Variants in RADIL observed in about 807,000 individuals in gnomAD.
The protein encoded by RADIL is Rap associating with DIL domain.
In RADIL, 99 loss-of-function variants were observed where a neutral mutation model predicts 97.6. The observed-to-expected ratio is 1.01, with a 90% CI of 0.86 to 1.20. The LOEUF is 1.20. RADIL is among the 50% of genes most tolerant of loss of function. The probability of loss-of-function intolerance (pLI) is 0.00; values close to 1 mark genes in which losing one functional copy is unlikely to be tolerated. For missense variants in RADIL, 1,765 were observed against 1,498.9 expected (o/e 1.18, Z -2.93); for synonymous variants, 803 against 691.8 (o/e 1.16, Z -2.52).
In RADIL at chr7:4,817,287, C is replaced by T. The variant is rs1187428402; in HGVS notation, c.1680G>A (p.Glu560=). Residue 560 remains glutamate, a synonymous_variant, in exon 7 of 15, where the codon GAG becomes GAA. Transcript: ENST00000399583. The surrounding 1 kb of genome is among the most constrained non-coding windows in gnomAD (Gnocchi z 8.3). The part of the protein sequence containing the change: ...TASEEAMAVL[E]EVVLYAFQQC... ...GCTGGAAGGCGTACAGCACCACCTC[C>T]TCCAGCACCGCCATGGCCTCCTCGC... The T allele has an allele frequency of 1.2e-6, 2 of 1,612,678 alleles. No individual in the cohort carries two copies. The highest frequency in any genetic ancestry group is 1.7e-6 in the Non-Finnish European group (2 of 1,179,798).
chr7:4,836,924 G>A (rs1370418384), intron 2 of RADIL, among the ~76,000 whole-genome samples: 1 of 152,050 alleles, frequency 6.6e-6, no homozygotes, highest in African/African-American at 2.4e-5. Context: ...GGTGACAAGA[G>A]CGAAACTCCA....
In RADIL at chr7:4,842,801, T is replaced by G. The variant is rs951768742; in HGVS notation, c.536-6196A>C. ...CTAGGAGTGGAGACGGAGGGGATAA[T>G]GAAACGTTCCTGGGCTGGGGAACTT... On this transcript the variant is annotated intron_variant, in intron 2 of 14. Coordinates refer to ENST00000399583, the MANE Select transcript of RADIL (RefSeq NM_018059.5). The surrounding 1 kb of genome is among the most constrained non-coding windows in gnomAD (Gnocchi z 4.5). Among the ~76,000 whole-genome samples, 1 of 152,010 alleles carries G rather than the reference T, an allele frequency of 6.6e-6. No homozygotes were observed. The highest frequency in any genetic ancestry group is 1.5e-5 in the Non-Finnish European group (1 of 68,006).
At position 4,834,817 on chromosome 7, in the gene RADIL, G is replaced by A; in HGVS notation, c.1206C>T (p.Arg402=). 1 of 1,320,204 alleles carries A rather than the reference G, an allele frequency of 7.6e-7. No individual in the cohort carries two copies. The highest frequency in any genetic ancestry group is 9.7e-7 in the Non-Finnish European group (1 of 1,030,982). 81.8% of individuals were successfully genotyped at this position (1,320,204 alleles called of 1,614,324 possible). A position where few individuals can be genotyped will look rare whatever the true frequency, so the allele number is the denominator to read the frequency against. Residue 402 remains arginine, a synonymous_variant, in exon 4 of 15, where the codon CGC becomes CGT. Coordinates refer to ENST00000399583, the MANE Select transcript of RADIL (RefSeq NM_018059.5). The surrounding 1 kb of genome is among the most constrained non-coding windows in gnomAD (Gnocchi z 6.0). ...GCTCAAACTCCAGGAGCAGCTGCTG[G>A]CGCCGGGGCAGGGCGGCCTGAGTAG... is the stretch of plus-strand genomic sequence containing the variant. ...ASPTQAALPR[R]QQLLLEFEPH...
At position 4,840,346 on chromosome 7, in the gene RADIL, G is replaced by T. The variant is rs981622605; in HGVS notation, c.536-3741C>A. Among the ~76,000 whole-genome samples the T allele has an allele frequency of 2.4e-4, 37 of 152,196 alleles. No individual in the cohort carries two copies. The highest frequency in any genetic ancestry group is 7.7e-4 in the African/African-American group (32 of 41,460). The stretch of plus-strand genomic sequence containing the variant: ...GGATCTGCCTCAACTGGGACAGAAA[G>T]TGCCCCCACTTGGCCTTTGGGTGGA... On this transcript the variant is annotated intron_variant, in intron 2 of 14. Transcript: ENST00000399583. This position sits in a 1 kb window ranked among gnomAD's most constrained non-coding sequence, Gnocchi z 5.6.
chr7:4,828,422 C>A (rs1296225672), intron 5 of RADIL, among the ~76,000 whole-genome samples: 1 of 152,140 alleles, frequency 6.6e-6, no homozygotes, highest in Non-Finnish European at 1.5e-5. Context: ...CGCGCCAATG[C>A]GCTCCAGCCT....
At chr7:4,806,876 C>T (rs1026967587) in intron 9 of RADIL, among the ~76,000 whole-genome samples, 1 of 152,182 alleles carries the variant, frequency 6.6e-6, no homozygotes, top group African/African-American at 2.4e-5. Context: ...CCAAAGCAAC[C>T]TGAGTGCAAA....
chr7:4,804,256 C>G (rs373795224), intron 10 of RADIL, among the ~76,000 whole-genome samples: 1 of 152,242 alleles, frequency 6.6e-6, no homozygotes, highest in East Asian at 1.9e-4. Context: ...TACTGAGCTC[C>G]TAGCTCCCAG....
chr7:4,816,516 G>T, intron 7 of RADIL, 51 bp from the exon 8 acceptor site: 1 of 1,480,556 alleles, frequency 6.8e-7, no homozygotes, highest in Non-Finnish European at 9.3e-7. Flanking sequence ...GAGCGCTGGC[G>T]GCCGAACGGG....
chr7:4,843,736 A>T (rs1021321358), intron 2 of RADIL, among the ~76,000 whole-genome samples: 3 of 151,490 alleles, frequency 2.0e-5, no homozygotes, highest in African/African-American at 7.3e-5. Flanking sequence ...ACATGGGGAA[A>T]CCCCGTCTCT....
At chr7:4,868,381 A>G (rs1302064648) in intron 2 of RADIL, among the ~76,000 whole-genome samples, 1 of 152,170 alleles carries the variant, frequency 6.6e-6, no homozygotes, top group Non-Finnish European at 1.5e-5. Flanking sequence ...TGTTTTTTAA[A>G]TAACATATAT....
At chr7:4,808,948 G>C in intron 9 of RADIL, 1 of 756,664 alleles carries the variant, frequency 1.3e-6, no homozygotes, top group Non-Finnish European at 1.5e-6. Flanking sequence ...GCCCCTCCAC[G>C]TCTCCTTCCG....
intron 14 of RADIL, 43 bp downstream of exon 14, chr7:4,799,587 G>T (rs1389254803): frequency 6.2e-7 from 1 of 1,607,094 alleles, no homozygotes; most frequent in East Asian, 2.2e-5. Context: ...CCCTGAGCAG[G>T]GCATCTGGGA....
rs547970497 is a variant in RADIL at position 4,868,172 on chromosome 7, C to G, written c.535+9433G>C. ...CCGCCTCCCGGGTTCATGCCATTCT[C>G]CTGCCTCAGCCTCCCGAGTAGCTGG... On this transcript the variant is annotated intron_variant, in intron 2 of 14. Coordinates refer to ENST00000399583, the MANE Select transcript of RADIL (RefSeq NM_018059.5). 7.6e-4 allele frequency among the ~76,000 whole-genome samples: 116 copies of G among 152,262 alleles called. 1 individual carries two copies. Among genetic ancestry groups the G allele is most frequent in the African/African-American group, 2.7e-3 (112 of 41,556 alleles).
chr7:4,862,865 C>A (rs988093258), intron 2 of RADIL, among the ~76,000 whole-genome samples: 8 of 151,428 alleles, frequency 5.3e-5, no homozygotes, highest in African/African-American at 1.9e-4. Flanking sequence ...CCATTGCACT[C>A]CAGCCTGGGC....
At chr7:4,874,537 C>T (rs1784325662) in intron 2 of RADIL, among the ~76,000 whole-genome samples, 1 of 152,232 alleles carries the variant, frequency 6.6e-6, no homozygotes, top group South Asian at 2.1e-4. Context: ...GTCCCTGGGC[C>T]ACAGCCAGAG....
In RADIL at chr7:4,815,690, G is replaced by A. The variant is rs537570113; in HGVS notation, c.1967-240C>T. ...GGCAGGGTGGGCTGTGACTGCCGCT[G>A]ACTCCACAGTGCAGCCCCTAGCTGG... On this transcript the variant is annotated intron_variant, in intron 8 of 14. Coordinates refer to ENST00000399583, the MANE Select transcript of RADIL (RefSeq NM_018059.5). The surrounding 1 kb of genome is among the most constrained non-coding windows in gnomAD (Gnocchi z 8.0). Among the ~76,000 whole-genome samples, 3 of 152,262 alleles carry A rather than the reference G, an allele frequency of 2.0e-5. No homozygotes were observed. In the East Asian group the frequency reaches 5.8e-4, roughly 29 times the overall value.
At position 4,861,776 on chromosome 7, in the gene RADIL, G is replaced by A. The variant is rs116405083; in HGVS notation, c.535+15829C>T. ...GCGATTCGGCGGCGGCGCCGGCTGC[G>A]GTGGTCCCTGGGTTGTCACCGGAAA... On this transcript the variant is annotated intron_variant, in intron 2 of 14. Coordinates refer to ENST00000399583, the MANE Select transcript of RADIL (RefSeq NM_018059.5). 1.5e-3 allele frequency: 2,234 copies of A among 1,486,222 alleles called. 32 individuals carry two copies. The African/African-American group carries it at 0.028, about 19-fold the overall frequency. 92.1% of individuals were successfully genotyped at this position (1,486,222 alleles called of 1,614,324 possible).
At chr7:4,827,447 G>A (rs908039688) in intron 5 of RADIL, among the ~76,000 whole-genome samples, 27 of 151,328 alleles carry the variant, frequency 1.8e-4, no homozygotes, top group African/African-American at 5.8e-4. Flanking sequence ...GTCACCAGAG[G>A]TCAGGCGATC....
chr7:4,862,880 A>C (rs1784050085), intron 2 of RADIL, among the ~76,000 whole-genome samples: 1 of 151,106 alleles, frequency 6.6e-6, no homozygotes. Flanking sequence ...CTGGGCAACA[A>C]GAGTGAAACT....
Sources: gnomAD v4.1 joint callset for allele counts (sites outside exome capture counted in the v4.1 genomes callset) on GRCh38, gnomAD v4.1.1 for gene constraint, Gnocchi (gnomAD v3.1) non-coding constraint, MANE v1.5 for transcripts, NCBI Gene and HGNC (gene_info 2026-07-23, HGNC 2026-07-21) for gene names.